Variants in EXOC6 observed in about 807,000 individuals in gnomAD.
EXOC6 encodes SEC15-like 1.
In EXOC6, 60 loss-of-function variants were observed where a neutral mutation model predicts 112.5. The ratio of observed to expected loss-of-function variants is 0.53; its 90% CI spans 0.43 to 0.66. The LOEUF (loss-of-function observed/expected upper bound fraction) is 0.66. EXOC6 is among the 30% of genes least tolerant of loss of function. The pLI is 0.00. For missense variants in EXOC6, 855 were observed against 957.1 expected (o/e 0.89, Z 1.41); for synonymous variants, 295 against 308.0 (o/e 0.96, Z 0.44).
At chr10:93,016,300 A>ATT (rs35002612) in intron 20 of EXOC6, among the ~76,000 whole-genome samples, 39 of 138,996 alleles carry the variant, frequency 2.8e-4, no homozygotes, top group East Asian at 6.0e-4. Flanking sequence ...TGCCTGGCTC[A>ATT]TTTTTTTTTT....
intron 20 of EXOC6, among the ~76,000 whole-genome samples, chr10:93,016,549 C>T (rs920643351): frequency 2.6e-5 from 4 of 152,040 alleles, no homozygotes; most frequent in Admixed American, 2.6e-4. Flanking sequence ...TTGGATATTC[C>T]GGAAAGGGCC....
intron 1 of EXOC6, among the ~76,000 whole-genome samples, chr10:92,875,401 T>C (rs918002727): frequency 6.6e-6 from 1 of 152,214 alleles, no homozygotes; most frequent in Admixed American, 6.5e-5. Flanking sequence ...TGGATTCTTA[T>C]AGCATGGACT....
intron 1 of EXOC6, among the ~76,000 whole-genome samples, chr10:92,875,558 A>T (rs540846496): frequency 1.3e-5 from 2 of 152,218 alleles, no homozygotes; most frequent in Admixed American, 6.5e-5. Context: ...GTGTTACATA[A>T]CAGAATGCCA....
chr10:92,947,365 A>G (rs945781829), intron 13 of EXOC6, among the ~76,000 whole-genome samples: 1 of 152,244 alleles, frequency 6.6e-6, no homozygotes, highest in Admixed American at 6.5e-5. Context: ...TGTCACTTCC[A>G]TTCACAGCCC....
At chr10:92,890,220 G>C (rs756045551) in intron 1 of EXOC6, among the ~76,000 whole-genome samples, 4 of 152,046 alleles carry the variant, frequency 2.6e-5, no homozygotes, top group Non-Finnish European at 4.4e-5. Context: ...CATTTTGGAG[G>C]ATGCTAATGT....
intron 13 of EXOC6, among the ~76,000 whole-genome samples, chr10:92,941,815 C>G (rs1274473632): frequency 6.6e-6 from 1 of 152,130 alleles, no homozygotes; most frequent in African/African-American, 2.4e-5. Context: ...TTTTTAGTGA[C>G]ATGAGAAGAG....
intron 20 of EXOC6, among the ~76,000 whole-genome samples, chr10:93,028,834 CAAAA>C (rs59650538): frequency 0.21 from 16,609 of 78,948 alleles, 932 homozygotes; most frequent in African/African-American, 0.27. Context: ...AACTCCATCT[CAAAA>C]AAAAAAAAAA....
At chr10:92,917,068 A>G (rs762506193) in intron 7 of EXOC6, among the ~76,000 whole-genome samples, 3 of 151,668 alleles carry the variant, frequency 2.0e-5, no homozygotes, top group South Asian at 2.1e-4. Context: ...GGTTCAAGCA[A>G]TTCTCCTGCC....
intron 19 of EXOC6, among the ~76,000 whole-genome samples, chr10:93,008,977 C>G (rs1057037617): frequency 6.6e-6 from 1 of 152,108 alleles, no homozygotes; most frequent in Non-Finnish European, 1.5e-5. Flanking sequence ...CTCAGCACTT[C>G]GAGAGGCCAG....
chr10:92,829,862 C>T (rs1020283339), upstream of EXOC6, among the ~76,000 whole-genome samples: 24 of 152,102 alleles, frequency 1.6e-4, no homozygotes, highest in African/African-American at 3.4e-4. Flanking sequence ...CCTCACTGCT[C>T]ATTATAATGC....
intron 1 of EXOC6, chr10:92,834,910 T>C: frequency 2.8e-6 from 2 of 726,182 alleles, no homozygotes; most frequent in Non-Finnish European, 2.3e-6. Context: ...TTTATAAGAG[T>C]AAAAAATATT....
chr10:92,911,303 A>G lies in EXOC6; in HGVS notation c.663+1672A>G, dbSNP rs1850748679. Among the ~76,000 whole-genome samples, 3 of 152,170 alleles carry G rather than the reference A, an allele frequency of 2.0e-5. 1 individual carries two copies. In the South Asian group the frequency reaches 6.2e-4, roughly 31 times the overall value. ...GGTCAGTGAGGGTCTTCCCCATTAT[A>G]GAGCTCCTCACCATTGTATTCTTCC... is the stretch of plus-strand genomic sequence containing the variant. On this transcript the variant is annotated intron_variant, in intron 6 of 21. Transcript: ENST00000260762.
At chr10:93,019,439 C>G (rs957702049) in intron 20 of EXOC6, among the ~76,000 whole-genome samples, 1 of 152,196 alleles carries the variant, frequency 6.6e-6, no homozygotes, top group Non-Finnish European at 1.5e-5. Context: ...ACTTTTCTCT[C>G]TAGATGATTT....
intron 20 of EXOC6, 33 bp downstream of exon 20, chr10:93,014,300 C>A: frequency 1.3e-6 from 2 of 1,529,912 alleles, no homozygotes; most frequent in Non-Finnish European, 1.8e-6. Flanking sequence ...CCATTTGTTG[C>A]CCTCTAACTC....
At chr10:92,847,363 G>A (rs773099686), upstream of EXOC6, among the ~76,000 whole-genome samples, 3 of 152,122 alleles carry the variant, frequency 2.0e-5, no homozygotes, top group South Asian at 2.1e-4. Context: ...TAATGTCTTC[G>A]GACACTGGTC....
intron 19 of EXOC6, among the ~76,000 whole-genome samples, chr10:93,007,804 A>G (rs1449626696): frequency 1.3e-5 from 2 of 152,250 alleles, no homozygotes; most frequent in African/African-American, 4.8e-5. Context: ...CTGATATAGC[A>G]GAGTTTTACT....
At chr10:92,827,998 C>A (rs2497323) in intron 1 of EXOC6, among the ~76,000 whole-genome samples, 3 of 151,994 alleles carry the variant, frequency 2.0e-5, no homozygotes, top group Admixed American at 2.0e-4. Flanking sequence ...AGATATTTGA[C>A]GTATTTTGCT....
Position 92,870,764 on chromosome 10 carries a change from A to G in EXOC6, c.101+22130A>G, listed in dbSNP as rs147572467. Among the ~76,000 whole-genome samples the G allele has an allele frequency of 8.8e-4, 132 of 150,364 alleles. 3 individuals are homozygous for G. The East Asian group carries it at 0.023, about 26-fold the overall frequency. On this transcript the variant is annotated intron_variant, in intron 1 of 21. Transcript: ENST00000260762. The stretch of plus-strand genomic sequence containing the variant: ...TCGCTCTGTCACCAGGCTGGAGTGC[A>G]GTGATGCGATCTTGGCTCACTGCAT...
intron 6 of EXOC6, among the ~76,000 whole-genome samples, chr10:92,914,492 T>C (rs1850974040): frequency 6.6e-6 from 1 of 152,208 alleles, no homozygotes; most frequent in African/African-American, 2.4e-5. Flanking sequence ...AACATCTGTT[T>C]TTACTGTGTG....
Sources: gnomAD v4.1 joint callset for allele counts (sites outside exome capture counted in the v4.1 genomes callset) on GRCh38, gnomAD v4.1.1 for gene constraint, MANE v1.5 for transcripts, NCBI Gene and HGNC (gene_info 2026-07-23, HGNC 2026-07-21) for gene names.